Variants in TRAPPC3L observed in about 807,000 individuals in gnomAD.
TRAPPC3L encodes trafficking protein particle complex subunit 3-like protein.
In TRAPPC3L, 23 loss-of-function variants were observed where a neutral mutation model predicts 23.7. That is an observed-to-expected ratio of 0.97 (90% CI 0.70 to 1.37). The LOEUF is 1.37. TRAPPC3L is among the 40% of genes most tolerant of loss of function. The pLI, the probability that TRAPPC3L is intolerant of heterozygous loss-of-function variation, is 0.00. For synonymous variants in TRAPPC3L, 81 were observed against 77.9 expected, an observed-to-expected ratio of 1.04 and a Z score of -0.21; for missense variants, 212 against 216.8, an observed-to-expected ratio of 0.98 and a Z score of 0.14.
At chr6:116,501,125 C>T (rs1180838084) in intron 3 of TRAPPC3L, among the ~76,000 whole-genome samples, 1 of 152,190 alleles carries the variant, frequency 6.6e-6, no homozygotes, top group African/African-American at 2.4e-5. Flanking sequence ...AGGAACTGTA[C>T]ACTTCTGCCC....
chr6:116,516,112 A>G, intron 3 of TRAPPC3L: 1 of 1,322,866 alleles, frequency 7.6e-7, no homozygotes, highest in Non-Finnish European at 1.0e-6. Context: ...TTACAAGACA[A>G]TAACACAAAG....
chr6:116,529,364 A>T (rs985784256), intron 3 of TRAPPC3L, among the ~76,000 whole-genome samples: 7 of 151,962 alleles, frequency 4.6e-5, no homozygotes, highest in Non-Finnish European at 7.3e-5. Flanking sequence ...GCGAGATATT[A>T]AAAAATTTTA....
In TRAPPC3L at chr6:116,515,483, C is replaced by T. The variant is rs926780981; in HGVS notation, c.241-14817G>A. On this transcript the variant is annotated intron_variant, in intron 3 of 4. Transcript: ENST00000368602. ...GTTTAAAAATTAAGATGAATGATTT[C>T]AAATGAGGTATGTCAAAGACTGTGG... 7.4e-6 allele frequency: 8 copies of T among 1,075,014 alleles called. No homozygotes were observed. The African/African-American group carries it at 1.3e-4, about 17-fold the overall frequency. 66.6% of individuals were successfully genotyped at this position (1,075,014 alleles called of 1,614,324 possible). A position where few individuals can be genotyped will look rare whatever the true frequency, so the allele number is the denominator to read the frequency against.
intron 4 of TRAPPC3L, among the ~76,000 whole-genome samples, chr6:116,499,889 G>C (rs185941345): frequency 2.0e-5 from 3 of 152,334 alleles, no homozygotes; most frequent in Middle Eastern, 3.4e-3. Flanking sequence ...TTGTTCATCT[G>C]TGTATACTCA....
intron 3 of TRAPPC3L, among the ~76,000 whole-genome samples, chr6:116,508,065 G>A (rs926321228): frequency 6.6e-6 from 1 of 152,146 alleles, no homozygotes; most frequent in Non-Finnish European, 1.5e-5. Context: ...TCTTTCAAGT[G>A]CAGAAATTAA....
intron 3 of TRAPPC3L, among the ~76,000 whole-genome samples, chr6:116,529,834 G>GC (rs2099838012): frequency 1.3e-5 from 2 of 152,136 alleles, no homozygotes; most frequent in African/African-American, 4.8e-5. Flanking sequence ...TTATTTTATG[G>GC]CCCCCAGGCT....
intron 1 of TRAPPC3L, among the ~76,000 whole-genome samples, chr6:116,545,265 C>T (rs1773711546): frequency 6.6e-6 from 1 of 151,776 alleles, no homozygotes; most frequent in African/African-American, 2.4e-5. Flanking sequence ...GAAAAGAAGA[C>T]CTTAAAGTGT....
chr6:116,526,152 C>A (rs1382907816), intron 3 of TRAPPC3L, among the ~76,000 whole-genome samples: 1 of 152,242 alleles, frequency 6.6e-6, no homozygotes, highest in Non-Finnish European at 1.5e-5. Context: ...TTCCCTACCT[C>A]TTTCCCTATA....
intron 3 of TRAPPC3L, chr6:116,528,902 G>C (rs763274471): frequency 6.6e-6 from 1 of 152,248 alleles, no homozygotes; most frequent in Non-Finnish European, 1.5e-5. Flanking sequence ...GACGAGCAAA[G>C]AAAGATTTTA....
At chr6:116,520,326 T>C (rs1331087794) in intron 3 of TRAPPC3L, 3 of 152,238 alleles carry the variant, frequency 2.0e-5, no homozygotes, top group Non-Finnish European at 4.4e-5. Context: ...TTCCGAATTC[T>C]CTAAGGTAAT....
chr6:116,534,473 C>T (rs148518452), intron 3 of TRAPPC3L, among the ~76,000 whole-genome samples: 136 of 152,208 alleles, frequency 8.9e-4, no homozygotes, highest in African/African-American at 3.2e-3. Context: ...AAAAATATGA[C>T]TAGTATGATT....
At chr6:116,514,237 A>G (rs1000378580) in intron 3 of TRAPPC3L, among the ~76,000 whole-genome samples, 5 of 152,200 alleles carry the variant, frequency 3.3e-5, no homozygotes, top group Non-Finnish European at 7.3e-5. Context: ...GGAATAGTTT[A>G]TAATTCAGCT....
intron 3 of TRAPPC3L, among the ~76,000 whole-genome samples, chr6:116,534,014 A>G (rs57052661): frequency 0.014 from 2,121 of 152,168 alleles, 47 homozygotes; most frequent in African/African-American, 0.049. Context: ...ACCTTCCCCA[A>G]CAAGATTTGA....
At chr6:116,508,000 C>G (rs1772035839) in intron 3 of TRAPPC3L, among the ~76,000 whole-genome samples, 1 of 152,182 alleles carries the variant, frequency 6.6e-6, no homozygotes, top group East Asian at 1.9e-4. Flanking sequence ...ACAAAATACA[C>G]AGGCCTGGAC....
chr6:116,518,350 C>T (rs1042239237), intron 3 of TRAPPC3L: 5 of 152,046 alleles, frequency 3.3e-5, no homozygotes, highest in African/African-American at 1.2e-4. Flanking sequence ...TGGGAGAAAA[C>T]CCACACAGTT....
intron 3 of TRAPPC3L, among the ~76,000 whole-genome samples, chr6:116,526,589 A>G (rs1772442211): frequency 6.6e-6 from 1 of 152,202 alleles, no homozygotes; most frequent in Non-Finnish European, 1.5e-5. Context: ...GCTAGAATTG[A>G]TAACCCTTGC....
In TRAPPC3L at chr6:116,545,460, A is replaced by G. The variant is rs1376861238; in HGVS notation, c.42+13T>C. On this transcript the variant is annotated intron_variant, in intron 1 of 4. Coordinates refer to ENST00000368602, the MANE Select transcript of TRAPPC3L (RefSeq NM_001139444.3). ...TCTGAAGTAGAAAAAATCTCTTTGTAGAAAGATCTTACTATTTTATGGTAT... is the reference window on the plus strand; with the variant it reads ...TCTGAAGTAGAAAAAATCTCTTTGTGGAAAGATCTTACTATTTTATGGTAT... The G allele has an allele frequency of 6.5e-7, 1 of 1,540,950 alleles. No individual in the cohort carries two copies. Among genetic ancestry groups the G allele is most frequent in the East Asian group, 2.5e-5 (1 of 40,634 alleles).
chr6:116,510,692 T>A (rs1772097990), intron 3 of TRAPPC3L, among the ~76,000 whole-genome samples: 1 of 151,850 alleles, frequency 6.6e-6, no homozygotes. Flanking sequence ...TCATTATATA[T>A]TAAAAAAAAA....
chr6:116,507,051 A>T (rs1772019084), intron 3 of TRAPPC3L, among the ~76,000 whole-genome samples: 1 of 152,144 alleles, frequency 6.6e-6, no homozygotes, highest in Admixed American at 6.5e-5. Context: ...ACTATTTTTA[A>T]TGTATAGAAT....
Sources: allele counts gnomAD v4.1 joint callset (sites outside exome capture counted in the v4.1 genomes callset), GRCh38; gene constraint gnomAD v4.1.1; transcripts MANE v1.5; gene names NCBI Gene and HGNC (gene_info 2026-07-23, HGNC 2026-07-21).